The following RAB11FIP3 variants were observed in gnomAD, a reference collection of about 807,000 sequenced individuals.
The protein encoded by RAB11FIP3 is RAB11 family interacting protein 3.
Under a neutral mutation model 77.8 loss-of-function variants are expected in RAB11FIP3, and 17 were observed. The observed-to-expected ratio is 0.22, with a 90% confidence interval of 0.15 to 0.33. The LOEUF is 0.33. Among genes scored for constraint, RAB11FIP3 ranks in the 10% least tolerant of loss-of-function variants. The pLI is 1.00. For missense variants in RAB11FIP3, 1,005 were observed against 1,011.2 expected (o/e 0.99, Z 0.08); for synonymous variants, 437 against 448.2 (o/e 0.98, Z 0.31).
chr16:454,573 A>G (rs922312069), intron 1 of RAB11FIP3, among the ~76,000 whole-genome samples: 2 of 151,820 alleles, frequency 1.3e-5, no homozygotes, highest in Non-Finnish European at 2.9e-5. Context: ...CAAAACCAAA[A>G]CCAAAAAACC....
Position 426,471 on chromosome 16 carries a change from G to A in RAB11FIP3, c.465G>A (p.Arg155=). Residue 155 remains arginine, a synonymous_variant, in exon 1 of 14, where the codon CGG becomes CGA. Coordinates refer to ENST00000262305, the MANE Select transcript of RAB11FIP3 (RefSeq NM_014700.4). The surrounding 1 kb of genome is among the most constrained non-coding windows in gnomAD (Gnocchi z 5.0). ...GGTCCAGCAGCAGCCACCGAGCGCG[G>A]GGCGAGGTCGACGTCTTCTCTCCCT... ...LQGSSSSHRA[R]GEVDVFSPFP... The A allele has an allele frequency of 1.3e-6, 2 of 1,581,132 alleles. No homozygotes were observed. The highest frequency in any genetic ancestry group is 1.7e-6 in the Non-Finnish European group (2 of 1,164,688).
intron 3 of RAB11FIP3, chr16:482,279 C>G (rs12917958): frequency 0.45 from 297,484 of 659,028 alleles, 71,816 homozygotes; most frequent in Middle Eastern, 0.59. Context: ...TGGTCTTGAG[C>G]TCCTGGGTTC....
intron 5 of RAB11FIP3, 180 bp downstream of exon 5, chr16:489,180 GTCCCT>G: frequency 1.3e-6 from 1 of 764,724 alleles, no homozygotes; most frequent in Non-Finnish European, 2.0e-6. Flanking sequence ...GTTGGGAGAA[GTCCCT>G]CTTCTCCAGC....
Position 514,673 on chromosome 16 carries a change from G to A in RAB11FIP3, c.1640+3873G>A, listed in dbSNP as rs901405386. On this transcript the variant is annotated intron_variant, in intron 9 of 13. Transcript: ENST00000262305. This position sits in a 1 kb window ranked among gnomAD's most constrained non-coding sequence, Gnocchi z 4.6. ...ATCTGAATCTCAGGACACAGGGCCC[G>A]GGAGAGGTTCTAGGAAAGGCCAGGT... 2.0e-5 allele frequency among the ~76,000 whole-genome samples: 3 copies of A among 152,346 alleles called. No individual in the cohort carries two copies. The highest frequency in any genetic ancestry group is 2.1e-4 in the South Asian group (1 of 4,834).
rs2141913189 is a variant in RAB11FIP3 at position 520,243 on chromosome 16, G to A, written c.1982G>A (p.Ser661Asn). Residue 661 changes from serine to asparagine, a missense_variant, in exon 12 of 14, where the codon AGC becomes AAC. This residue lies in a region of RAB11FIP3 where 90 missense variants were observed against 129.7 expected (regional missense o/e 0.69). Coordinates refer to ENST00000262305, the MANE Select transcript of RAB11FIP3 (RefSeq NM_014700.4). ...LQEYHSRARE[S>N]ELEQEVRRLK... The stretch of plus-strand genomic sequence containing the variant: ...GAGTACCACAGCCGCGCCCGGGAGA[G>A]CGAGCTGGAGCAGGAGGTCCGCAGG... 2 of 1,546,240 alleles carry A rather than the reference G, an allele frequency of 1.3e-6. No individual in the cohort carries two copies. The highest frequency in any genetic ancestry group is 2.4e-5 in the East Asian group (1 of 41,286).
At chr16:520,342 G>C (rs1051119784) in intron 12 of RAB11FIP3, 65 bp downstream of exon 12, 102 of 1,564,814 alleles carry the variant, frequency 6.5e-5, no homozygotes, top group Non-Finnish European at 7.6e-5. Flanking sequence ...TGGTTGGGAA[G>C]GGGGGGCCGT....
chr16:430,354 C>T (rs1451467184), intron 1 of RAB11FIP3, among the ~76,000 whole-genome samples: 1 of 152,100 alleles, frequency 6.6e-6, no homozygotes, highest in African/African-American at 2.4e-5. Context: ...TTTTTACAGT[C>T]ACTTAAGCAG....
Position 503,101 on chromosome 16 carries a change from G to C in RAB11FIP3, c.1395+4G>C. ...AGAGGAGGACATTGCTGACAAGGTA[G>C]GCCCTGGAGGGCTGGGTAGGTGGCA... is the stretch of plus-strand genomic sequence containing the variant. On this transcript the variant is annotated splice_donor_region_variant and intron_variant, in intron 7 of 13. Coordinates refer to ENST00000262305, the MANE Select transcript of RAB11FIP3 (RefSeq NM_014700.4). 6.2e-7 allele frequency: 1 copy of C among 1,603,818 alleles called. No individual in the cohort carries two copies. Among genetic ancestry groups the C allele is most frequent in the South Asian group, 1.1e-5 (1 of 90,446 alleles).
chr16:492,503 G>GCCGT (rs1351423547), intron 5 of RAB11FIP3, among the ~76,000 whole-genome samples: 8 of 100,422 alleles, frequency 8.0e-5, no homozygotes, highest in African/African-American at 3.2e-4. Context: ...GAGACCCGAG[G>GCCGT]CCGCCCAGGG....
At chr16:438,175 T>C (rs571673080) in intron 1 of RAB11FIP3, among the ~76,000 whole-genome samples, 12 of 151,776 alleles carry the variant, frequency 7.9e-5, no homozygotes, top group African/African-American at 2.7e-4. Context: ...TGGTGTGATA[T>C]CCACTTACTG....
At chr16:481,382 A>C (rs757094831) in intron 3 of RAB11FIP3, among the ~76,000 whole-genome samples, 11 of 152,036 alleles carry the variant, frequency 7.2e-5, no homozygotes, top group Non-Finnish European at 1.2e-4. Context: ...ATGATGGTAC[A>C]TGCTTGTCTT....
At position 497,062 on chromosome 16, in the gene RAB11FIP3, G is replaced by A. The variant is rs550447867; in HGVS notation, c.1301+203G>A. The A allele has an allele frequency of 4.9e-6, 3 of 606,384 alleles. No homozygotes were observed. In the East Asian group the frequency reaches 1.2e-4, roughly 24 times the overall value. 37.6% of individuals were successfully genotyped at this position (606,384 alleles called of 1,614,324 possible). A position where few individuals can be genotyped will look rare whatever the true frequency, so the allele number is the denominator to read the frequency against. On this transcript the variant is annotated intron_variant, in intron 6 of 13. Transcript: ENST00000262305. ...GCTGTGAATTTGGACCTGGATTTGT[G>A]ACCAGGGAGGGTACGTGTCAGAGCT... is the stretch of plus-strand genomic sequence containing the variant.
At chr16:438,498 A>C (rs1233558451) in intron 1 of RAB11FIP3, among the ~76,000 whole-genome samples, 3 of 126,444 alleles carry the variant, frequency 2.4e-5, no homozygotes, top group Non-Finnish European at 3.2e-5. Context: ...CTCCGCTTCC[A>C]GGGTTCAAGT....
chr16:474,768 A>T, intron 3 of RAB11FIP3: 1 of 1,358,066 alleles, frequency 7.4e-7, no homozygotes, highest in Non-Finnish European at 9.5e-7. Flanking sequence ...TTCAGCCCTG[A>T]CTGACTAACC....
chr16:464,024 G>A (rs910033473), intron 2 of RAB11FIP3, among the ~76,000 whole-genome samples: 1 of 152,220 alleles, frequency 6.6e-6, no homozygotes, highest in Non-Finnish European at 1.5e-5. Context: ...GCCCAGGTGA[G>A]GAAGCAGTCC....
Position 520,224 on chromosome 16 carries a change from C to A in RAB11FIP3, c.1963C>A (p.His655Asn). The A allele has an allele frequency of 6.5e-7, 1 of 1,545,732 alleles. No individual in the cohort carries two copies. Among genetic ancestry groups the A allele is most frequent in the Non-Finnish European group, 8.7e-7 (1 of 1,147,924 alleles). Residue 655 changes from histidine (H) to asparagine (N), a missense_variant, in exon 12 of 14, where the codon CAC becomes AAC. Transcript: ENST00000262305. Reference protein sequence around the residue: ...RSSSMGLQEYHSRARESELEQ... With the variant: ...RSSSMGLQEYNSRARESELEQ... ...CAGCAGCATGGGCCTGCAGGAGTAC[C>A]ACAGCCGCGCCCGGGAGAGCGAGCT...
chr16:485,335 C>T (rs2056132855), intron 4 of RAB11FIP3, among the ~76,000 whole-genome samples: 2 of 152,148 alleles, frequency 1.3e-5, no homozygotes, highest in South Asian at 4.1e-4. Context: ...CGATATGAGT[C>T]CCTTATGGGG....
At position 426,437 on chromosome 16, in the gene RAB11FIP3, G is replaced by C. The variant is rs201313961; in HGVS notation, c.431G>C (p.Arg144Pro). Residue 144 changes from arginine (R) to proline (P), a missense_variant, in exon 1 of 14, where the codon CGC (arginine) becomes CCC (proline). By Grantham distance (103) the Arg-to-Pro change is moderately radical. Around this residue, in one of 4 missense-constraint regions of RAB11FIP3, gnomAD observed 466 missense variants for 408.3 expected, o/e 1.14. Coordinates refer to ENST00000262305, the MANE Select transcript of RAB11FIP3 (RefSeq NM_014700.4). The surrounding 1 kb of genome is among the most constrained non-coding windows in gnomAD (Gnocchi z 5.0). ...PASCPESAPF[R>P]LQGSSSSHRA... Reference sequence around the variant, plus strand: ...AGCTGCCCGGAGAGCGCGCCTTTCCGCTTGCAGGGGTCCAGCAGCAGCCAC... The same window carrying C: ...AGCTGCCCGGAGAGCGCGCCTTTCCCCTTGCAGGGGTCCAGCAGCAGCCAC... The C allele has an allele frequency of 8.0e-5, 126 of 1,584,774 alleles. No individual in the cohort carries two copies. The African/African-American group carries it at 1.6e-3, about 20-fold the overall frequency.
At chr16:460,752 A>C (rs2055591630) in intron 1 of RAB11FIP3, among the ~76,000 whole-genome samples, 1 of 152,116 alleles carries the variant, frequency 6.6e-6, no homozygotes, top group African/African-American at 2.4e-5. Flanking sequence ...AACAATACCT[A>C]AAACTTCAGA....
Sources: allele counts gnomAD v4.1 joint callset (sites outside exome capture counted in the v4.1 genomes callset), GRCh38; gene constraint gnomAD v4.1.1; regional missense constraint gnomAD v4.1.1; non-coding constraint Gnocchi (gnomAD v3.1); transcripts MANE v1.5; gene names NCBI Gene and HGNC (gene_info 2026-07-23, HGNC 2026-07-21).